Variants in DBF4 observed in about 807,000 individuals in gnomAD.
The protein encoded by DBF4 is protein DBF4 homolog A.
A neutral mutation model predicts 76.6 loss-of-function variants in DBF4; 25 were observed. That is an observed-to-expected ratio of 0.33 (90% CI 0.24 to 0.46). The LOEUF (loss-of-function observed/expected upper bound fraction) is 0.46. Ranked by LOEUF, DBF4 falls within the 20% of genes least tolerant of loss-of-function variation. The probability of loss-of-function intolerance (pLI) is 1.00; values close to 1 mark genes in which losing one functional copy is unlikely to be tolerated. For missense variants in DBF4, 638 were observed against 760.8 expected (o/e 0.84, Z 1.90); for synonymous variants, 213 against 258.0 (o/e 0.83, Z 1.67).
intron 2 of DBF4, among the ~76,000 whole-genome samples, chr7:87,884,473 T>C (rs560462500): frequency 6.6e-6 from 1 of 152,354 alleles, no homozygotes; most frequent in Non-Finnish European, 1.5e-5. Context: ...TCAGAATGCC[T>C]ATGTTCAAAT....
chr7:87,877,958 G>A, intron 1 of DBF4, 95 bp from the exon 2 acceptor site: 1 of 1,040,172 alleles, frequency 9.6e-7, no homozygotes, highest in South Asian at 1.8e-5. Flanking sequence ...TGGTAGGGTT[G>A]TAAGGATTTT....
At chr7:87,904,170 C>A in intron 10 of DBF4, 122 bp from the exon 11 acceptor site, 2 of 954,638 alleles carry the variant, frequency 2.1e-6, no homozygotes, top group South Asian at 1.9e-5. Flanking sequence ...AGGGTATTAT[C>A]TTTGGAGTAG....
chr7:87,888,057 G>C lies in DBF4; in HGVS notation c.595G>C (p.Gly199Arg). 1 of 1,550,582 alleles carries C rather than the reference G, an allele frequency of 6.4e-7. No individual in the cohort carries two copies. The highest frequency in any genetic ancestry group is 8.7e-7 in the Non-Finnish European group (1 of 1,154,366). Reference sequence around the variant, plus strand: ...GAAATCAAGTACTTCAGTAAGAGATGGGGTATGTTTTCTTTTTCAATTTTT... The same window carrying C: ...GAAATCAAGTACTTCAGTAAGAGATCGGGTATGTTTTCTTTTTCAATTTTT... The part of the protein sequence containing the change: ...LKKSSTSVRD[G>R]GKRVGSGAQK... The change falls in exon 6 of 12, where the codon GGG (glycine) becomes CGG (arginine). Residue 199 changes from glycine to arginine, a missense_variant and splice_region_variant. By Grantham distance (125) the Gly-to-Arg change is moderately radical. Coordinates refer to ENST00000265728, the MANE Select transcript of DBF4 (RefSeq NM_006716.4).
intron 5 of DBF4, 36 bp from the exon 6 acceptor site, chr7:87,887,947 A>T: frequency 1.3e-6 from 2 of 1,491,288 alleles, no homozygotes; most frequent in East Asian, 4.8e-5. Context: ...CAAGAGTAAA[A>T]TTGCTAATCT....
chr7:87,889,472 G>A (rs1282699750), intron 6 of DBF4, among the ~76,000 whole-genome samples: 3 of 151,794 alleles, frequency 2.0e-5, no homozygotes, highest in African/African-American at 7.3e-5. Flanking sequence ...TAGAGACGGG[G>A]TTTCGCCATG....
intron 2 of DBF4, among the ~76,000 whole-genome samples, chr7:87,882,456 A>G (rs778470766): frequency 7.9e-5 from 12 of 152,212 alleles, no homozygotes; most frequent in Non-Finnish European, 1.2e-4. Flanking sequence ...CAACAAATGA[A>G]AAGTATGAAA....
chr7:87,896,486 GGTA>G lies in DBF4; in HGVS notation c.613_615del (p.Ser205del). 6.2e-7 allele frequency: 1 copy of G among 1,611,410 alleles called. No homozygotes were observed. Among genetic ancestry groups the G allele is most frequent in the Non-Finnish European group, 8.5e-7 (1 of 1,179,046 alleles). ...TATTTTTTTTTAGGGCAAAAGAGTT[GGTA>G]GTGGTGCACAAAAAACAAGAAGTAA... On this transcript the variant is annotated inframe_deletion, in exon 7 of 12. Coordinates refer to ENST00000265728, the MANE Select transcript of DBF4 (RefSeq NM_006716.4).
At chr7:87,896,359 C>T in intron 6 of DBF4, 115 bp from the exon 7 acceptor site, 2 of 761,504 alleles carry the variant, frequency 2.6e-6, no homozygotes, top group Non-Finnish European at 4.4e-6. Context: ...AATAATCCTT[C>T]TTTGATATAG....
At chr7:87,902,718 A>G (rs1839818331) in intron 10 of DBF4, among the ~76,000 whole-genome samples, 1 of 152,212 alleles carries the variant, frequency 6.6e-6, no homozygotes, top group South Asian at 2.1e-4. Flanking sequence ...TGAGCTTACA[A>G]GATTTGATGC....
At chr7:87,898,770 G>C (rs1839698929) in intron 8 of DBF4, among the ~76,000 whole-genome samples, 1 of 143,442 alleles carries the variant, frequency 7.0e-6, no homozygotes. Flanking sequence ...CAGCCTGGGG[G>C]ACAGAGCAAG....
In DBF4 at chr7:87,907,444, A is replaced by T; in HGVS notation, c.1306A>T (p.Met436Leu). Reference protein sequence around the residue: ...LNEKMSNKCSMLSTAEDDIRQ... With the variant: ...LNEKMSNKCSLLSTAEDDIRQ... ...TGAGAAAATGAGTAATAAATGTTCCATGTTAAGTACAGCTGAAGATGACAT... is the reference window on the plus strand; with the variant it reads ...TGAGAAAATGAGTAATAAATGTTCCTTGTTAAGTACAGCTGAAGATGACAT... Residue 436 changes from methionine to leucine, a missense_variant, in exon 12 of 12, where the codon ATG (methionine) becomes TTG (leucine). By Grantham distance (15) the Met-to-Leu change is conservative (BLOSUM62 2). Transcript: ENST00000265728. 6.2e-7 allele frequency: 1 copy of T among 1,614,090 alleles called. No homozygotes were observed. Among genetic ancestry groups the T allele is most frequent in the East Asian group, 2.2e-5 (1 of 44,862 alleles).
intron 5 of DBF4, 107 bp from the exon 6 acceptor site, chr7:87,887,876 A>G (rs1231473911): frequency 9.1e-7 from 1 of 1,098,516 alleles, no homozygotes; most frequent in Non-Finnish European, 1.3e-6. Flanking sequence ...AGCATAAGAG[A>G]TACCTATAAT....
At chr7:87,889,644 T>C (rs1235451428) in intron 6 of DBF4, among the ~76,000 whole-genome samples, 1 of 152,212 alleles carries the variant, frequency 6.6e-6, no homozygotes, top group African/African-American at 2.4e-5. Context: ...TATATAAGGC[T>C]GCATAAACTT....
chr7:87,884,897 A>G, intron 2 of DBF4, 82 bp from the exon 3 acceptor site: 1 of 1,047,188 alleles, frequency 9.5e-7, no homozygotes, highest in East Asian at 2.6e-5. Flanking sequence ...TGATTGTGCC[A>G]CTGCACTCTA....
chr7:87,897,806 G>A (rs1387245643), intron 8 of DBF4, among the ~76,000 whole-genome samples: 1 of 152,150 alleles, frequency 6.6e-6, no homozygotes, highest in African/African-American at 2.4e-5. Flanking sequence ...ATGGAGTCTT[G>A]CTCTGTCACC....
rs778282691 is a variant in DBF4, at chr7:87,900,313, C to T, written c.773C>T (p.Pro258Leu). ...TGCAGTCCATTTGATGTAGACAAGCCATCTAGTATGCAAAAGCAAACTCAG... is the reference window on the plus strand; with the variant it reads ...TGCAGTCCATTTGATGTAGACAAGCTATCTAGTATGCAAAAGCAAACTCAG... ...KPCSPFDVDK[P>L]SSMQKQTQVK... The change falls in exon 9 of 12, where the codon CCA becomes CTA. Residue 258 changes from proline to leucine, a missense_variant. Pro to Leu is a moderately conservative substitution (Grantham distance 98). Coordinates refer to ENST00000265728, the MANE Select transcript of DBF4 (RefSeq NM_006716.4). The T allele has an allele frequency of 6.3e-7, 1 of 1,596,850 alleles. No individual in the cohort carries two copies. The highest frequency in any genetic ancestry group is 1.1e-5 in the South Asian group (1 of 87,772).
intron 10 of DBF4, among the ~76,000 whole-genome samples, chr7:87,901,497 G>T (rs879622944): frequency 2.0e-5 from 3 of 152,210 alleles, no homozygotes; most frequent in Non-Finnish European, 2.9e-5. Flanking sequence ...GATGTTGCAA[G>T]TGAGGGAAAA....
chr7:87,901,470 G>T (rs1234990932), intron 10 of DBF4, among the ~76,000 whole-genome samples: 1 of 152,186 alleles, frequency 6.6e-6, no homozygotes, highest in Admixed American at 6.5e-5. Context: ...GGACCAAGAG[G>T]ATTTGCCAAT....
chr7:87,898,658 G>A (rs1389701217), intron 8 of DBF4, among the ~76,000 whole-genome samples: 1 of 151,924 alleles, frequency 6.6e-6, no homozygotes, highest in Non-Finnish European at 1.5e-5. Flanking sequence ...GGGCCTGGTG[G>A]CGGGCACCTG....
Sources: gnomAD v4.1 joint callset for allele counts (sites outside exome capture counted in the v4.1 genomes callset) on GRCh38, gnomAD v4.1.1 for gene constraint, MANE v1.5 for transcripts, NCBI Gene and HGNC (gene_info 2026-07-23, HGNC 2026-07-21) for gene names.